The following FCRL6 variants were observed in gnomAD, a reference collection of about 807,000 sequenced individuals.
FCRL6 encodes the protein Fc receptor-like protein 6.
A neutral mutation model predicts 49.1 loss-of-function variants in FCRL6; 50 were observed. The observed-to-expected ratio is 1.02, with a 90% CI of 0.81 to 1.29. FCRL6 has a LOEUF of 1.29. Among genes scored for constraint, FCRL6 ranks in the 50% most tolerant of loss-of-function variants. The probability of loss-of-function intolerance (pLI) is 0.00; values close to 1 mark genes in which losing one functional copy is unlikely to be tolerated. For synonymous variants in FCRL6, 213 were observed against 199.6 expected, an observed-to-expected ratio of 1.07 and a Z score of -0.57; for missense variants, 571 against 518.5, an observed-to-expected ratio of 1.10 and a Z score of -0.98.
At position 159,815,574 on chromosome 1, in the gene FCRL6, G is replaced by A. The variant is rs750882753; in HGVS notation, c.1218G>A (p.Gln406=). 1 of 1,614,212 alleles carries A rather than the reference G, an allele frequency of 6.2e-7. No individual in the cohort carries two copies. Among genetic ancestry groups the A allele is most frequent in the South Asian group, 1.1e-5 (1 of 91,090 alleles). ...TCTGTGCGGAGGTGAGATGCCTGCA[G>A]CCCAGTGAGGTTTCATCCACGGAGG... ...SIICAEVRCL[Q]PSEVSSTEVN... The change falls in exon 10 of 10, where the codon CAG becomes CAA. Residue 406 remains glutamine (Q), a synonymous_variant. Transcript: ENST00000368106.
At chr1:159,809,968 A>G (rs1168509032) in intron 5 of FCRL6, 126 bp from the exon 6 acceptor site, 57 of 1,221,142 alleles carry the variant, frequency 4.7e-5, no homozygotes, top group Non-Finnish European at 5.8e-5. Context: ...ATGCCCATCT[A>G]TGAGGCTCCC....
chr1:159,815,859 A>T lies in FCRL6; in HGVS notation c.*198A>T. The T allele has an allele frequency of 1.7e-6, 1 of 578,760 alleles. No individual in the cohort carries two copies. The highest frequency in any genetic ancestry group is 3.0e-6 in the Non-Finnish European group (1 of 328,792). 35.9% of individuals were successfully genotyped at this position (578,760 alleles called of 1,614,324 possible). A position where few individuals can be genotyped will look rare whatever the true frequency, so the allele number is the denominator to read the frequency against. Reference sequence around the variant, plus strand: ...GCAGAAGACCAACCAATGGAATGGGAAGGGAGATGCTCCCACCAACACACA... The same window carrying T: ...GCAGAAGACCAACCAATGGAATGGGTAGGGAGATGCTCCCACCAACACACA... On this transcript the variant is annotated 3_prime_UTR_variant, in exon 10 of 10. Coordinates refer to ENST00000368106, the MANE Select transcript of FCRL6 (RefSeq NM_001004310.3).
intron 2 of FCRL6, among the ~76,000 whole-genome samples, chr1:159,807,741 G>A (rs924908941): frequency 6.6e-6 from 1 of 152,198 alleles, no homozygotes; most frequent in African/African-American, 2.4e-5. Flanking sequence ...ACATTAGGTA[G>A]CCACAGGAGG....
At position 159,815,805 on chromosome 1, in the gene FCRL6, G is replaced by C; in HGVS notation, c.*144G>C. The C allele has an allele frequency of 1.0e-6, 1 of 988,788 alleles. No individual in the cohort carries two copies. The highest frequency in any genetic ancestry group is 1.5e-6 in the Non-Finnish European group (1 of 679,002). The allele number at this position is 988,788 out of a possible 1,614,324, so 61.3% of individuals were successfully genotyped here. On this transcript the variant is annotated 3_prime_UTR_variant, in exon 10 of 10. Coordinates refer to ENST00000368106, the MANE Select transcript of FCRL6 (RefSeq NM_001004310.3). Reference sequence around the variant, plus strand: ...CCCCCTGAGCCCTTGTCCTGGTCAGGAGCACCTGAACCCTGGGTTCTTTTC... The same window carrying C: ...CCCCCTGAGCCCTTGTCCTGGTCAGCAGCACCTGAACCCTGGGTTCTTTTC...
chr1:159,810,338 G>A (rs1470836979), intron 6 of FCRL6, 122 bp downstream of exon 6: 4 of 1,229,894 alleles, frequency 3.3e-6, no homozygotes, highest in Non-Finnish European at 4.4e-6. Context: ...GAGTGGCAGG[G>A]GGGACTTCTC....
At chr1:159,808,505 G>C (rs1398094705) in intron 3 of FCRL6, 61 bp downstream of exon 3, 6 of 1,595,000 alleles carry the variant, frequency 3.8e-6, no homozygotes, top group Non-Finnish European at 2.6e-6. Flanking sequence ...CCCGTTTCTA[G>C]AGGTCAGTAG....
At chr1:159,812,196 C>T (rs921792661) in intron 6 of FCRL6, among the ~76,000 whole-genome samples, 1 of 152,174 alleles carries the variant, frequency 6.6e-6, no homozygotes, top group East Asian at 1.9e-4. Context: ...GAATCTCAGG[C>T]GCACAAAATA....
chr1:159,814,272 G>A lies in FCRL6; in HGVS notation c.1127G>A (p.Arg376Lys), dbSNP rs1663260211. The change falls in exon 8 of 10, where the codon AGA (arginine) becomes AAA (lysine). Residue 376 changes from arginine to lysine, a missense_variant. By Grantham distance (26) the Arg-to-Lys change is conservative. Transcript: ENST00000368106. ...DEGVVYSVVH[R>K]TSKRSEARSA... ...GGTGTTGTCTACTCTGTGGTGCATA[G>A]AACCTCAAAGAGGAGTGAAGGTGAG... The A allele has an allele frequency of 1.2e-6, 2 of 1,614,164 alleles. No individual in the cohort carries two copies. Among genetic ancestry groups the A allele is most frequent in the Non-Finnish European group, 1.7e-6 (2 of 1,179,998 alleles).
At chr1:159,806,252 A>G (rs868079335) in intron 1 of FCRL6, among the ~76,000 whole-genome samples, 1 of 152,228 alleles carries the variant, frequency 6.6e-6, no homozygotes, top group African/African-American at 2.4e-5. Flanking sequence ...AGTCCCAGGG[A>G]AGACCTGTTT....
intron 3 of FCRL6, 83 bp from the exon 4 acceptor site, chr1:159,808,878 A>T (rs972814498): frequency 7.1e-7 from 1 of 1,414,758 alleles, no homozygotes; most frequent in Middle Eastern, 1.9e-4. Flanking sequence ...GCAGCCTGAG[A>T]TGAGTAGAAG....
chr1:159,810,420 C>T (rs139749167), intron 6 of FCRL6, among the ~76,000 whole-genome samples: 73 of 152,328 alleles, frequency 4.8e-4, no homozygotes, highest in African/African-American at 1.7e-3. Context: ...CATGCACTTG[C>T]TCACATGCTC....
At chr1:159,806,683 C>A (rs192211995) in intron 2 of FCRL6, 67 bp downstream of exon 2, 15 of 1,508,364 alleles carry the variant, frequency 9.9e-6, no homozygotes, top group South Asian at 7.9e-5. Flanking sequence ...TGGATGGGAA[C>A]AGGACAGTGC....
rs538641740 is a variant in FCRL6, at chr1:159,809,145, G to A, written c.504G>A (p.Pro168=). Residue 168 remains proline, a synonymous_variant, in exon 4 of 10, where the codon CCG becomes CCA. Coordinates refer to ENST00000368106, the MANE Select transcript of FCRL6 (RefSeq NM_001004310.3). The part of the protein sequence containing the change: ...DRGPHPELCI[P]GAKEGDSGLY... ...GCCCTCACCCAGAACTCTGCATCCC[G>A]GGAGCCAAGGAGGGAGACTCTGGGC... is the stretch of plus-strand genomic sequence containing the variant. The A allele has an allele frequency of 1.4e-4, 219 of 1,613,944 alleles. 1 individual carries two copies. The highest frequency in any genetic ancestry group is 1.7e-4 in the Middle Eastern group (1 of 6,036).
chr1:159,803,733 A>C (rs953883611), intron 1 of FCRL6, among the ~76,000 whole-genome samples: 1 of 152,138 alleles, frequency 6.6e-6, no homozygotes, highest in Non-Finnish European at 1.5e-5. Context: ...AAATGAGGAG[A>C]GGAAGGGAAT....
At chr1:159,807,872 C>G (rs1662799548) in intron 2 of FCRL6, among the ~76,000 whole-genome samples, 1 of 148,770 alleles carries the variant, frequency 6.7e-6, no homozygotes, top group South Asian at 2.1e-4. Context: ...TAAAAGAAGA[C>G]AAGGAGGGTG....
intron 1 of FCRL6, among the ~76,000 whole-genome samples, chr1:159,806,357 G>T (rs1335735736): frequency 1.3e-5 from 2 of 150,140 alleles, no homozygotes; most frequent in African/African-American, 5.0e-5. Flanking sequence ...TGGTTGGGTG[G>T]TTGGGTGGTT....
At chr1:159,806,809 G>A (rs1212065584) in intron 2 of FCRL6, among the ~76,000 whole-genome samples, 193 bp downstream of exon 2, 1 of 152,126 alleles carries the variant, frequency 6.6e-6, no homozygotes, top group African/African-American at 2.4e-5. Flanking sequence ...CTAAGGCCAA[G>A]GGTAGTCCTA....
At chr1:159,807,547 A>G (rs781665873) in intron 2 of FCRL6, among the ~76,000 whole-genome samples, 1 of 152,200 alleles carries the variant, frequency 6.6e-6, no homozygotes, top group Non-Finnish European at 1.5e-5. Context: ...GATCCCTTCC[A>G]TAAGAGTGGT....
At position 159,809,559 on chromosome 1, in the gene FCRL6, C is replaced by T. The variant is rs768901257; in HGVS notation, c.762C>T (p.Pro254=). The T allele has an allele frequency of 1.2e-6, 2 of 1,614,224 alleles. No individual in the cohort carries two copies. Among genetic ancestry groups the T allele is most frequent in the Non-Finnish European group, 1.7e-6 (2 of 1,180,030 alleles). Residue 254 remains proline (P), a synonymous_variant, in exon 5 of 10, where the codon CCC becomes CCT. Coordinates refer to ENST00000368106, the MANE Select transcript of FCRL6 (RefSeq NM_001004310.3). Reference sequence around the variant, plus strand: ...AGATTGTGGGGAACCACTCAGCTCCCTGTGGTGGAACCACCTCCCTCCTCT... The same window carrying T: ...AGATTGTGGGGAACCACTCAGCTCCTTGTGGTGGAACCACCTCCCTCCTCT... ...DEKIVGNHSA[P]CGGTTSLLFP...
Sources: gnomAD v4.1 joint callset for allele counts (sites outside exome capture counted in the v4.1 genomes callset) on GRCh38, gnomAD v4.1.1 for gene constraint, MANE v1.5 for transcripts, NCBI Gene and HGNC (gene_info 2026-07-23, HGNC 2026-07-21) for gene names.